The following INO80 variants were observed in gnomAD, a reference collection of about 807,000 sequenced individuals.
INO80 encodes chromatin-remodeling ATPase INO80.
In INO80, 20 loss-of-function variants were observed where a neutral mutation model predicts 203.4. The ratio of observed to expected loss-of-function variants is 0.10; its 90% CI spans 0.07 to 0.14. The LOEUF is 0.14. INO80 is among the 10% of genes least tolerant of loss of function. The pLI is 1.00. For synonymous variants in INO80, 726 were observed against 685.2 expected (o/e 1.06, Z -0.93); for missense variants, 1,419 against 1,914.4 (o/e 0.74, Z 4.83).
rs1470325610 is a variant in INO80 at position 41,072,078 on chromosome 15, A to AG, written c.1396-21_1396-20insC. 1 of 1,465,774 alleles carries AG rather than the reference A, an allele frequency of 6.8e-7. No individual in the cohort carries two copies. Among genetic ancestry groups the AG allele is most frequent in the African/African-American group, 1.5e-5 (1 of 67,360 alleles). The allele number at this position is 1,465,774 out of a possible 1,614,324, so 90.8% of individuals were successfully genotyped here. A position where few individuals can be genotyped will look rare whatever the true frequency, so the allele number is the denominator to read the frequency against. The stretch of plus-strand genomic sequence containing the variant: ...CCTTGTCTGGAAAGTAAAAAAAAAA[A>AG]AAATTAGAAAAAAAAAAAAGAGGAA... On this transcript the variant is annotated intron_variant, in intron 11 of 35. Transcript: ENST00000648947.
intron 35 of INO80, among the ~76,000 whole-genome samples, chr15:40,981,173 CATCCACAGTGG>C (rs1371763834): frequency 7.1e-5 from 2 of 28,158 alleles, no homozygotes; most frequent in African/African-American, 8.3e-5. Context: ...TCTCTCTCCT[CATCCACAGTGG>C]AACCACGGGT....
At chr15:41,029,843 A>G (rs1047466119) in intron 24 of INO80, among the ~76,000 whole-genome samples, 7 of 152,234 alleles carry the variant, frequency 4.6e-5, no homozygotes, top group Admixed American at 3.3e-4. Flanking sequence ...CTGAAAGTGC[A>G]TTTCTGACAT....
chr15:41,092,304 C>CTGT, intron 4 of INO80, 122 bp from the exon 5 acceptor site: 1 of 617,022 alleles, frequency 1.6e-6, no homozygotes, highest in South Asian at 3.4e-5. Flanking sequence ...ACTCCAGTTC[C>CTGT]CCTTATGACA....
Position 40,983,750 on chromosome 15 carries a change from A to G in INO80, c.4237+12T>C. The G allele has an allele frequency of 3.1e-6, 5 of 1,611,844 alleles. No individual in the cohort carries two copies. Among genetic ancestry groups the G allele is most frequent in the African/African-American group, 1.3e-5 (1 of 74,992 alleles). On this transcript the variant is annotated intron_variant, in intron 34 of 35. Transcript: ENST00000648947. ...GGACCAGGCCCAAGCTGTACAAGAC[A>G]GCAGCAATTACCATTCACGGTATCT...
intron 8 of INO80, among the ~76,000 whole-genome samples, chr15:41,080,276 A>C (rs2045466595): frequency 6.6e-6 from 1 of 152,196 alleles, no homozygotes; most frequent in East Asian, 1.9e-4. Context: ...TCTTCACAAA[A>C]ACCCTATGAA....
intron 25 of INO80, among the ~76,000 whole-genome samples, chr15:41,025,363 A>T (rs2044359873): frequency 6.6e-6 from 1 of 152,188 alleles, no homozygotes; most frequent in African/African-American, 2.4e-5. Context: ...AAGAACTTTC[A>T]GGTCAACAAA....
chr15:41,031,983 C>CACAGG (rs1566919585), intron 24 of INO80, among the ~76,000 whole-genome samples: 27 of 78,472 alleles, frequency 3.4e-4, no homozygotes, highest in Middle Eastern at 6.3e-3. Context: ...CACAGCACAG[C>CACAGG]ACAGCACAGC....
intron 9 of INO80, 104 bp downstream of exon 9, chr15:41,079,597 A>AAAAT: frequency 9.2e-7 from 1 of 1,089,122 alleles, no homozygotes; most frequent in Non-Finnish European, 1.4e-6. Flanking sequence ...AAAACAAAAA[A>AAAAT]TTGACAGTGT....
chr15:41,069,499 A>T, intron 14 of INO80, 71 bp downstream of exon 14: 2 of 882,406 alleles, frequency 2.3e-6, no homozygotes, highest in Non-Finnish European at 3.5e-6. Context: ...AGTAATTAGT[A>T]GGGCAAGAAA....
intron 28 of INO80, among the ~76,000 whole-genome samples, chr15:41,003,334 C>CTTTTTTTT (rs71104761): frequency 3.4e-4 from 43 of 126,000 alleles, no homozygotes; most frequent in Non-Finnish European, 5.4e-4. Context: ...CTTTTCTTTT[C>CTTTTTTTT]TTTTTTTTTT....
In INO80 at chr15:41,003,253, A is replaced by G. The variant is rs187303380; in HGVS notation, c.3497+2340T>C. Among the ~76,000 whole-genome samples the G allele has an allele frequency of 2.0e-5, 3 of 152,002 alleles. No individual in the cohort carries two copies. The East Asian group carries it at 5.8e-4, about 29-fold the overall frequency. On this transcript the variant is annotated intron_variant, in intron 28 of 35. Coordinates refer to ENST00000648947, the MANE Select transcript of INO80 (RefSeq NM_017553.3). ...CCTATAATATAATAGTATAAATATA[A>G]CCCTATACATACATTAAAGACTAGA... is the stretch of plus-strand genomic sequence containing the variant.
intron 15 of INO80, 30 bp from the exon 16 acceptor site, chr15:41,058,811 G>C: frequency 3.1e-6 from 5 of 1,596,510 alleles, no homozygotes; most frequent in Non-Finnish European, 3.4e-6. Flanking sequence ...AGGGTGAAAA[G>C]AGAAACCTAA....
chr15:41,015,512 T>C (rs1490954675), intron 27 of INO80, among the ~76,000 whole-genome samples: 2 of 152,090 alleles, frequency 1.3e-5, no homozygotes, highest in Admixed American at 6.6e-5. Context: ...AATTAAGAAA[T>C]GTCTTCCCTA....
chr15:41,097,035 GACACAATC>G (rs3986304), intron 1 of INO80, among the ~76,000 whole-genome samples: 17,855 of 152,082 alleles, frequency 0.12, 3,098 homozygotes, highest in African/African-American at 0.38. Flanking sequence ...CTTCACTAGA[GACACAATC>G]ACACAATCAC....
Position 40,988,928 on chromosome 15 carries a change from T to C in INO80, c.3571-954A>G, listed in dbSNP as rs1472973743. On this transcript the variant is annotated intron_variant, in intron 29 of 35. Coordinates refer to ENST00000648947, the MANE Select transcript of INO80 (RefSeq NM_017553.3). Reference sequence around the variant, plus strand: ...TATCTGGGAGGCTAAGGCAGGGGAATTGTTTGAACCTGGGAGGCAGAGGTT... The same window carrying C: ...TATCTGGGAGGCTAAGGCAGGGGAACTGTTTGAACCTGGGAGGCAGAGGTT... 2.6e-5 allele frequency among the ~76,000 whole-genome samples: 4 copies of C among 151,838 alleles called. No individual in the cohort carries two copies. The South Asian group carries it at 6.2e-4, about 24-fold the overall frequency.
rs1202150973 is a variant in INO80, at chr15:41,044,702, A to AC, written c.2907+201_2907+202insG. On this transcript the variant is annotated intron_variant, in intron 24 of 35. Transcript: ENST00000648947. ...TGTGTACTTCACAGTATTGTAAAAA[A>AC]AACATTTTGAAAATATAAATACACT... is the stretch of plus-strand genomic sequence containing the variant. Among the ~76,000 whole-genome samples the AC allele has an allele frequency of 5.9e-5, 9 of 151,856 alleles. 1 individual carries two copies. The highest frequency in any genetic ancestry group is 1.2e-4 in the Non-Finnish European group (8 of 67,934).
At chr15:40,981,490 A>G (rs74014729) in intron 35 of INO80, among the ~76,000 whole-genome samples, 1 of 152,182 alleles carries the variant, frequency 6.6e-6, no homozygotes, top group Non-Finnish European at 1.5e-5. Flanking sequence ...ATCATACTTC[A>G]TATTTCCTGG....
intron 12 of INO80, among the ~76,000 whole-genome samples, chr15:41,070,878 C>A (rs918497753): frequency 6.6e-6 from 1 of 152,152 alleles, no homozygotes; most frequent in African/African-American, 2.4e-5. Context: ...TACAAAAAAA[C>A]AAAAAGACAT....
At chr15:41,099,878 CA>C (rs1566949248) in intron 1 of INO80, among the ~76,000 whole-genome samples, 1 of 151,830 alleles carries the variant, frequency 6.6e-6, no homozygotes, top group Non-Finnish European at 1.5e-5. Flanking sequence ...TAAAATACAA[CA>C]AAACTCCCTT....
Sources: gnomAD v4.1 joint callset for allele counts (sites outside exome capture counted in the v4.1 genomes callset) on GRCh38, gnomAD v4.1.1 for gene constraint, MANE v1.5 for transcripts, NCBI Gene and HGNC (gene_info 2026-07-23, HGNC 2026-07-21) for gene names.